Variants in ZNF891 observed in about 807,000 individuals in gnomAD.
The protein encoded by ZNF891 is zinc finger protein 891.
For missense variants in ZNF891, 589 were observed against 632.7 expected (o/e 0.93, Z 0.74); for synonymous variants, 199 against 209.0 (o/e 0.95, Z 0.41).
Position 133,105,724 on chromosome 12 carries a change from T to C in ZNF891, c.*14560A>G. On this transcript the variant is annotated 3_prime_UTR_variant, in exon 2 of 2. Coordinates refer to ENST00000537226, the MANE Select transcript of ZNF891 (RefSeq NM_001277291.2). ...CAGTCTCTCATCAAGAAGCCCTGGC[T>C]CAACATATGAATATCAGTACTGTGG... The C allele has an allele frequency of 6.2e-7, 1 of 1,614,190 alleles. No homozygotes were observed. The highest frequency in any genetic ancestry group is 8.5e-7 in the Non-Finnish European group (1 of 1,180,044).
In ZNF891 at chr12:133,121,220, G is replaced by T. The variant is rs893310582; in HGVS notation, c.699C>A (p.Asn233Lys). Residue 233 changes from asparagine (N) to lysine (K), a missense_variant, in exon 2 of 2, where the codon AAC becomes AAA. Transcript: ENST00000537226. ...IGCLKHNSIINNYVKNSISEK... is the reference protein window; with the variant it reads ...IGCLKHNSIIKNYVKNSISEK... ...CACTTATAGAGTTTTTCACATAATT[G>T]TTTATGATTGAATTGTGTTTCAAAC... 7.8e-6 allele frequency: 12 copies of T among 1,535,338 alleles called. No individual in the cohort carries two copies. In the African/African-American group the frequency reaches 1.4e-4, roughly 18 times the overall value.
chr12:133,127,057 C>T (rs546489093), intron 1 of ZNF891, among the ~76,000 whole-genome samples: 2 of 147,408 alleles, frequency 1.4e-5, no homozygotes, highest in Admixed American at 6.8e-5. Context: ...CTCTGCCTCC[C>T]GGGTTTAAGC....
intron 1 of ZNF891, 54 bp from the exon 2 acceptor site, chr12:133,122,078 C>T (rs924364372): frequency 3.9e-5 from 55 of 1,398,762 alleles, no homozygotes; most frequent in Non-Finnish European, 4.9e-5. Flanking sequence ...AACAGGGCCC[C>T]ACTTGGGGAA....
rs1327814890 is a variant in ZNF891 at position 133,129,187 on chromosome 12, T to TG, written c.-107+1039_-107+1040insC. Among the ~76,000 whole-genome samples the TG allele has an allele frequency of 3.9e-5, 6 of 152,138 alleles. No homozygotes were observed. The East Asian group carries it at 1.2e-3, about 29-fold the overall frequency. ...AAAACAGAATACGAACTAAAAAACC[T>TG]AATCAATGAGACTTTTTAAAAAATT... On this transcript the variant is annotated intron_variant, in intron 1 of 1. Coordinates refer to ENST00000537226, the MANE Select transcript of ZNF891 (RefSeq NM_001277291.2).
rs1337196953 is a variant in ZNF891 at position 133,117,439 on chromosome 12, A to AG, written c.*2844dup. 2 of 152,260 alleles carry AG rather than the reference A, an allele frequency of 1.3e-5. No homozygotes were observed. The highest frequency in any genetic ancestry group is 4.8e-5 in the African/African-American group (2 of 41,472). 9.4% of individuals were successfully genotyped at this position (152,260 alleles called of 1,614,324 possible). On this transcript the variant is annotated 3_prime_UTR_variant, in exon 2 of 2. Coordinates refer to ENST00000537226, the MANE Select transcript of ZNF891 (RefSeq NM_001277291.2). ...AGTTCACATATTCTGATCACTGCTT[A>AG]GTACAGTTAGGTGTAAATAAATAAA...
chr12:133,121,063 T>G lies in ZNF891; in HGVS notation c.856A>C (p.Asn286His), dbSNP rs770421505. 162 of 1,535,662 alleles carry G rather than the reference T, an allele frequency of 1.1e-4. 3 individuals carry two copies. The highest frequency in any genetic ancestry group is 6.7e-4 in the Middle Eastern group (4 of 5,984). The change falls in exon 2 of 2, where the codon AAT (asparagine) becomes CAT (histidine). Residue 286 changes from asparagine to histidine, a missense_variant. Coordinates refer to ENST00000537226, the MANE Select transcript of ZNF891 (RefSeq NM_001277291.2). ...FTHNMFPVPN[N>H]LHMAQNACEC... ...CAGGCATTCTGTGCCATATGCAAAT[T>G]GTTAGGTACAGGAAACATATTATGT...
chr12:133,127,293 A>T (rs1030897985), intron 1 of ZNF891, among the ~76,000 whole-genome samples: 2 of 152,138 alleles, frequency 1.3e-5, no homozygotes, highest in Non-Finnish European at 2.9e-5. Flanking sequence ...AAAAAAACAC[A>T]GTATCTAAGA....
At chr12:133,122,083 G>C (rs1020850809) in intron 1 of ZNF891, 59 bp from the exon 2 acceptor site, 1 of 1,392,514 alleles carries the variant, frequency 7.2e-7, no homozygotes. Flanking sequence ...GGCCCCACTT[G>C]GGGAAAGGTG....
In ZNF891 at chr12:133,105,807, T is replaced by G; in HGVS notation, c.*14477A>C. The G allele has an allele frequency of 2.5e-6, 4 of 1,614,190 alleles. No homozygotes were observed. The highest frequency in any genetic ancestry group is 3.4e-6 in the Non-Finnish European group (4 of 1,180,040). On this transcript the variant is annotated 3_prime_UTR_variant, in exon 2 of 2. Transcript: ENST00000537226. The stretch of plus-strand genomic sequence containing the variant: ...ACTTTTGGTCGACGCTTTTCCCTGG[T>G]GTTACACCAGAGGACTCATACTGGA...
rs534452914 is a variant in ZNF891 at position 133,113,070 on chromosome 12, A to T, written c.*7214T>A. ...CAAGACTCTGTCTCAAAAAATATAT[A>T]TATATATATTTATATTTATTTATTA... On this transcript the variant is annotated 3_prime_UTR_variant, in exon 2 of 2. Coordinates refer to ENST00000537226, the MANE Select transcript of ZNF891 (RefSeq NM_001277291.2). 2.1e-3 allele frequency: 311 copies of T among 148,002 alleles called. 1 individual carries two copies. The highest frequency in any genetic ancestry group is 7.3e-3 in the African/African-American group (297 of 40,834). The allele number at this position is 148,002 out of a possible 1,614,324, so 9.2% of individuals were successfully genotyped here.
Position 133,121,987 on chromosome 12 carries a change from C to A in ZNF891, c.-69G>T. 3 of 1,431,078 alleles carry A rather than the reference C, an allele frequency of 2.1e-6. No homozygotes were observed. The highest frequency in any genetic ancestry group is 3.1e-5 in the South Asian group (2 of 65,018). The allele number at this position is 1,431,078 out of a possible 1,614,324, so 88.6% of individuals were successfully genotyped here. On this transcript the variant is annotated 5_prime_UTR_variant, in exon 2 of 2. Transcript: ENST00000537226. Reference sequence around the variant, plus strand: ...ATGTTTCTGTTCTTGTGTCTCCAATCCAGTCACAGGAGGGATGCATTTCAC... The same window carrying A: ...ATGTTTCTGTTCTTGTGTCTCCAATACAGTCACAGGAGGGATGCATTTCAC...
Position 133,106,265 on chromosome 12 carries a change from G to A in ZNF891, c.*14019C>T. ...CATCCATACAACCAAAACCCCGTATGAATGTAATGAATGTAGGAAAGCTTT... is the reference window on the plus strand; with the variant it reads ...CATCCATACAACCAAAACCCCGTATAAATGTAATGAATGTAGGAAAGCTTT... On this transcript the variant is annotated 3_prime_UTR_variant, in exon 2 of 2. Transcript: ENST00000537226. The A allele has an allele frequency of 1.2e-6, 2 of 1,614,158 alleles. No individual in the cohort carries two copies. Among genetic ancestry groups the A allele is most frequent in the Middle Eastern group, 1.6e-4 (1 of 6,062 alleles).
rs1020660834 is a variant in ZNF891 at position 133,114,888 on chromosome 12, A to G, written c.*5396T>C. 6.6e-6 allele frequency: 1 copy of G among 152,234 alleles called. No individual in the cohort carries two copies. The highest frequency in any genetic ancestry group is 1.5e-5 in the Non-Finnish European group (1 of 68,046). The allele number at this position is 152,234 out of a possible 1,614,324, so 9.4% of individuals were successfully genotyped here. Reference sequence around the variant, plus strand: ...AAGATTAAACGTGAAATGTTATGTGATCAGGTTAGTACTTTAGATGGATCA... The same window carrying G: ...AAGATTAAACGTGAAATGTTATGTGGTCAGGTTAGTACTTTAGATGGATCA... On this transcript the variant is annotated 3_prime_UTR_variant, in exon 2 of 2. Transcript: ENST00000537226.
At position 133,113,408 on chromosome 12, in the gene ZNF891, T is replaced by C. The variant is rs1020755106; in HGVS notation, c.*6876A>G. On this transcript the variant is annotated 3_prime_UTR_variant, in exon 2 of 2. Transcript: ENST00000537226. The stretch of plus-strand genomic sequence containing the variant: ...TCCATATTTTCAATGCACACACACA[T>C]ATTTATAACATGCATTAAAAAGTCA... 1 of 152,146 alleles carries C rather than the reference T, an allele frequency of 6.6e-6. No homozygotes were observed. The highest frequency in any genetic ancestry group is 2.4e-5 in the African/African-American group (1 of 41,458). The allele number at this position is 152,146 out of a possible 1,614,324, so 9.4% of individuals were successfully genotyped here.
rs10870580 is a variant in ZNF891, at chr12:133,119,266, G to A, written c.*1018C>T. 12,206 of 151,844 alleles carry A rather than the reference G, an allele frequency of 0.08. 877 individuals carry two copies. The highest frequency in any genetic ancestry group is 0.19 in the African/African-American group (7,935 of 41,432). The allele number at this position is 151,844 out of a possible 1,614,324, so 9.4% of individuals were successfully genotyped here. A position where few individuals can be genotyped will look rare whatever the true frequency, so the allele number is the denominator to read the frequency against. On this transcript the variant is annotated 3_prime_UTR_variant, in exon 2 of 2. Coordinates refer to ENST00000537226, the MANE Select transcript of ZNF891 (RefSeq NM_001277291.2). ...ATCAATTAACATATTTTTCTTGGCC[G>A]GGCACAGTGGCTCACGCCTGTAATG...
rs1438823091 is a variant in ZNF891, at chr12:133,121,224, A to C, written c.695T>G (p.Ile232Arg). ...TATAGAGTTTTTCACATAATTGTTT[A>C]TGATTGAATTGTGTTTCAAACATCC... The part of the protein sequence containing the change: ...EIGCLKHNSI[I>R]NNYVKNSISE... Residue 232 changes from isoleucine to arginine, a missense_variant, in exon 2 of 2, where the codon ATA becomes AGA. Physicochemically the swap from Ile to Arg is moderately conservative, Grantham distance 97. Coordinates refer to ENST00000537226, the MANE Select transcript of ZNF891 (RefSeq NM_001277291.2). 5 of 1,535,556 alleles carry C rather than the reference A, an allele frequency of 3.3e-6. No individual in the cohort carries two copies. In the South Asian group the frequency reaches 4.8e-5, roughly 15 times the overall value.
intron 1 of ZNF891, chr12:133,125,991 C>T (rs954301129): frequency 1.4e-5 from 5 of 369,218 alleles, no homozygotes. Flanking sequence ...TGTACATCTT[C>T]TCATCAGGAA....
chr12:133,120,695 C>T lies in ZNF891; in HGVS notation c.1224G>A (p.Gln408=). Residue 408 remains glutamine (Q), a synonymous_variant, in exon 2 of 2, where the codon CAG becomes CAA. Coordinates refer to ENST00000537226, the MANE Select transcript of ZNF891 (RefSeq NM_001277291.2). ...AGCTTGTGCCAAAGGATTTTCCACA[C>T]TGATTACATTCATAAGGTTTCTCTC... ...HTGEKPYECN[Q]CGKSFGTSSY... 5 of 1,561,296 alleles carry T rather than the reference C, an allele frequency of 3.2e-6. No homozygotes were observed. The highest frequency in any genetic ancestry group is 4.3e-6 in the Non-Finnish European group (5 of 1,154,216).
In ZNF891 at chr12:133,115,403, A is replaced by G. The variant is rs534207301; in HGVS notation, c.*4881T>C. ...AAAACTCCTTCTCAAAAAAAAAAAAAAAAAAAAAAAAAAGATGTGGGATAA... is the reference window on the plus strand; with the variant it reads ...AAAACTCCTTCTCAAAAAAAAAAAAGAAAAAAAAAAAAAGATGTGGGATAA... On this transcript the variant is annotated 3_prime_UTR_variant, in exon 2 of 2. Coordinates refer to ENST00000537226, the MANE Select transcript of ZNF891 (RefSeq NM_001277291.2). The G allele has an allele frequency of 1.3e-5, 2 of 150,146 alleles. 1 individual carries two copies. Among genetic ancestry groups the G allele is most frequent in the South Asian group, 4.2e-4 (2 of 4,760 alleles). The allele number at this position is 150,146 out of a possible 1,614,324, so 9.3% of individuals were successfully genotyped here.
Sources: allele counts gnomAD v4.1 joint callset (sites outside exome capture counted in the v4.1 genomes callset), GRCh38; gene constraint gnomAD v4.1.1; transcripts MANE v1.5; gene names NCBI Gene and HGNC (gene_info 2026-07-23, HGNC 2026-07-21).